The following SLC25A23 variants were observed in gnomAD, a reference collection of about 807,000 sequenced individuals.
SLC25A23 encodes mitochondrial adenyl nucleotide antiporter SLC25A23.
In SLC25A23, 32 loss-of-function variants were observed where a neutral mutation model predicts 53.9. The observed-to-expected ratio is 0.59, with a 90% CI of 0.45 to 0.80. The LOEUF (loss-of-function observed/expected upper bound fraction) is 0.80. Among genes scored for constraint, SLC25A23 ranks in the 30% least tolerant of loss-of-function variants. The pLI is 0.00. For missense variants in SLC25A23, 575 were observed against 651.4 expected (o/e 0.88, Z 1.28); for synonymous variants, 275 against 264.5 (o/e 1.04, Z -0.38).
rs202184533 is a variant in SLC25A23 at position 6,454,627 on chromosome 19, C to T, written c.574G>A (p.Gly192Ser). 147 of 1,613,870 alleles carry T rather than the reference C, an allele frequency of 9.1e-5. No homozygotes were observed. Among genetic ancestry groups the T allele is most frequent in the Non-Finnish European group, 1.1e-4 (134 of 1,180,028 alleles). ...CGTGACACGGCACCTGCCACTGCGCCGGCCACCAGCTGTTTCCACCACATG... is the reference window on the plus strand; with the variant it reads ...CGTGACACGGCACCTGCCACTGCGCTGGCCACCAGCTGTTTCCACCACATG... The part of the protein sequence containing the change: ...TGMWWKQLVA[G>S]AVAGAVSRTG... Residue 192 changes from glycine to serine, a missense_variant, in exon 5 of 10, where the codon GGC becomes AGC. By Grantham distance (56) the Gly-to-Ser change is moderately conservative. Coordinates refer to ENST00000301454, the MANE Select transcript of SLC25A23 (RefSeq NM_024103.3). This position sits in a 1 kb window ranked among gnomAD's most constrained non-coding sequence, Gnocchi z 4.3.
rs916249013 is a variant in SLC25A23, at chr19:6,447,387, C to T, written c.1072-3086G>A. Reference sequence around the variant, plus strand: ...TGAAATCTCGGCTCACTGCAACCTCCGCCTCCTGGGCTCAGGTGATCCTCC... The same window carrying T: ...TGAAATCTCGGCTCACTGCAACCTCTGCCTCCTGGGCTCAGGTGATCCTCC... On this transcript the variant is annotated intron_variant, in intron 8 of 9. Transcript: ENST00000301454. 3.7e-4 allele frequency among the ~76,000 whole-genome samples: 56 copies of T among 151,974 alleles called. 1 individual carries two copies. Among genetic ancestry groups the T allele is most frequent in the East Asian group, 3.9e-4 (2 of 5,176 alleles).
At chr19:6,444,371 G>A (rs1035449205) in intron 8 of SLC25A23, 70 bp from the exon 9 acceptor site, 4 of 1,484,050 alleles carry the variant, frequency 2.7e-6, no homozygotes, top group Non-Finnish European at 3.6e-6. Context: ...AAGGCCTGCT[G>A]GCCGGTTCTG....
chr19:6,439,434 C>CAG (rs1555732581), downstream of SLC25A23, among the ~76,000 whole-genome samples: 1 of 151,232 alleles, frequency 6.6e-6, no homozygotes, highest in Non-Finnish European at 1.5e-5. Flanking sequence ...CACACACACA[C>CAG]AGACACACAA....
In SLC25A23 at chr19:6,444,163, T is replaced by TGCGGGTCCGGACCAGGGCCA; in HGVS notation, c.1190_1209dup (p.Met404TrpfsTer47). The TGCGGGTCCGGACCAGGGCCA allele has an allele frequency of 6.3e-7, 1 of 1,586,184 alleles. No individual in the cohort carries two copies. Among genetic ancestry groups the TGCGGGTCCGGACCAGGGCCA allele is most frequent in the Non-Finnish European group, 8.6e-7 (1 of 1,164,416 alleles). On this transcript the variant is annotated frameshift_variant, in exon 9 of 10. Coordinates refer to ENST00000301454, the MANE Select transcript of SLC25A23 (RefSeq NM_024103.3). LOFTEE classifies it high-confidence loss of function. ...GCCCAGGCCTCACCTTGTGCCTGCATGCGGGTCCGGACCAGGGCCAGCGGG... is the reference window on the plus strand; with the variant it reads ...GCCCAGGCCTCACCTTGTGCCTGCATGCGGGTCCGGACCAGGGCCAGCGGGTCCGGACCAGGGCCAGCGGG...
chr19:6,441,866 G>A lies in SLC25A23; in HGVS notation c.*109C>T. ...CATAGGAGTCTAGGATCCAGGATCT[G>A]GGTACTGGGATCTCGTGGCCAAAGA... On this transcript the variant is annotated 3_prime_UTR_variant, in exon 10 of 10. Coordinates refer to ENST00000301454, the MANE Select transcript of SLC25A23 (RefSeq NM_024103.3). The A allele has an allele frequency of 9.9e-7, 1 of 1,014,684 alleles. No homozygotes were observed. The allele number at this position is 1,014,684 out of a possible 1,614,324, so 62.9% of individuals were successfully genotyped here.
chr19:6,452,551 G>A (rs2092608264), intron 7 of SLC25A23, 72 bp from the exon 8 acceptor site: 11 of 1,509,584 alleles, frequency 7.3e-6, no homozygotes, highest in Admixed American at 4.5e-5. Flanking sequence ...AAGACACCTA[G>A]AAATAGCTAC....
rs192341507 is a variant in SLC25A23 at position 6,458,192 on chromosome 19, C to T, written c.283+6G>A. The T allele has an allele frequency of 6.2e-7, 1 of 1,613,124 alleles. No homozygotes were observed. Among genetic ancestry groups the T allele is most frequent in the Non-Finnish European group, 8.5e-7 (1 of 1,179,894 alleles). On this transcript the variant is annotated splice_donor_region_variant and intron_variant, in intron 2 of 9. Coordinates refer to ENST00000301454, the MANE Select transcript of SLC25A23 (RefSeq NM_024103.3). Reference sequence around the variant, plus strand: ...TGGGGCCTGCAGGCAGGTCGCCCGACCTTACCATCCTGGTTCCGGTCAAGA... The same window carrying T: ...TGGGGCCTGCAGGCAGGTCGCCCGATCTTACCATCCTGGTTCCGGTCAAGA...
chr19:6,457,600 G>C lies in SLC25A23; in HGVS notation c.284-10C>G. 1.2e-6 allele frequency: 2 copies of C among 1,613,426 alleles called. No individual in the cohort carries two copies. Among genetic ancestry groups the C allele is most frequent in the Non-Finnish European group, 1.7e-6 (2 of 1,179,604 alleles). On this transcript the variant is annotated splice_polypyrimidine_tract_variant and intron_variant, in intron 2 of 9. Transcript: ENST00000301454. ...GAGACATCAATGTGACCTGGGGAGG[G>C]GGCCGGAGGTGGGGAAGGATGTGCG...
At chr19:6,452,648 GA>G (rs2092609645) in intron 7 of SLC25A23, 169 bp from the exon 8 acceptor site, 2 of 723,998 alleles carry the variant, frequency 2.8e-6, no homozygotes, top group Non-Finnish European at 4.2e-6. Flanking sequence ...CCTATACCTA[GA>G]AATAGTTACA....
In SLC25A23 at chr19:6,457,519, C is replaced by T. The variant is rs768115579; in HGVS notation, c.355G>A (p.Glu119Lys). 1 of 1,614,074 alleles carries T rather than the reference C, an allele frequency of 6.2e-7. No individual in the cohort carries two copies. Residue 119 changes from glutamate to lysine, a missense_variant, in exon 3 of 10, where the codon GAG becomes AAG. Coordinates refer to ENST00000301454, the MANE Select transcript of SLC25A23 (RefSeq NM_024103.3). ...LGISISLEQA[E>K]KILHSMDRDG... ...GCGACTCACCTGTGCAAAATTTTCTCAGCCTGCTCCAGCGAGATGGAAATG... is the reference window on the plus strand; with the variant it reads ...GCGACTCACCTGTGCAAAATTTTCTTAGCCTGCTCCAGCGAGATGGAAATG...
Position 6,454,113 on chromosome 19 carries a change from G to C in SLC25A23, c.796-25C>G. On this transcript the variant is annotated intron_variant, in intron 6 of 9. Transcript: ENST00000301454. This position sits in a 1 kb window ranked among gnomAD's most constrained non-coding sequence, Gnocchi z 4.3. ...TCTGAGGCGGGGAGACACAGGGATG[G>C]GTAGGACCATGGGGGTTGAACCTTC... 1 of 1,601,696 alleles carries C rather than the reference G, an allele frequency of 6.2e-7. No homozygotes were observed. Among genetic ancestry groups the C allele is most frequent in the Non-Finnish European group, 8.5e-7 (1 of 1,172,758 alleles).
chr19:6,442,117 A>G lies in SLC25A23; in HGVS notation c.1265T>C (p.Leu422Pro). The G allele has an allele frequency of 6.3e-7, 1 of 1,578,070 alleles. No homozygotes were observed. Among genetic ancestry groups the G allele is most frequent in the Non-Finnish European group, 8.6e-7 (1 of 1,161,820 alleles). The change falls in exon 10 of 10, where the codon CTA (leucine) becomes CCA (proline). Residue 422 changes from leucine (L) to proline (P), a missense_variant. By Grantham distance (98) the Leu-to-Pro change is moderately conservative. Coordinates refer to ENST00000301454, the MANE Select transcript of SLC25A23 (RefSeq NM_024103.3). ...GCCCTCCTGGGACAGGATGTGACGT[A>G]GCAGACCCAGCATGGACAGCTGGGG... ...GGPQLSMLGL[L>P]RHILSQEGMR...
rs1447451051 is a variant in SLC25A23 at position 6,459,569 on chromosome 19, C to T, written c.60G>A (p.Glu20=). The T allele has an allele frequency of 6.3e-7, 1 of 1,577,948 alleles. No homozygotes were observed. The highest frequency in any genetic ancestry group is 8.6e-7 in the Non-Finnish European group (1 of 1,168,354). Reference sequence around the variant, plus strand: ...CGCGGCCATCCTTGTTACTGTCCAGCTCCTCGAACAGGCGACCCCAGCGCT... The same window carrying T: ...CGCGGCCATCCTTGTTACTGTCCAGTTCCTCGAACAGGCGACCCCAGCGCT... ...RRQRWGRLFE[E]LDSNKDGRVD... The change falls in exon 1 of 10, where the codon GAG becomes GAA. Residue 20 remains glutamate (E), a synonymous_variant. Coordinates refer to ENST00000301454, the MANE Select transcript of SLC25A23 (RefSeq NM_024103.3). The surrounding 1 kb of genome is among the most constrained non-coding windows in gnomAD (Gnocchi z 4.6).
chr19:6,458,287 C>G lies in SLC25A23; in HGVS notation c.194G>C (p.Gly65Ala). ...GCGGGAAAATTCCTCCAGGTCGAGC[C>G]CGCCATCTGGGTCAGCATCACCCTC... ...SSEGDADPDGGLDLEEFSRYL... is the reference protein window; with the variant it reads ...SSEGDADPDGALDLEEFSRYL... The change falls in exon 2 of 10, where the codon GGG (glycine) becomes GCG (alanine). Residue 65 changes from glycine (G) to alanine (A), a missense_variant. Physicochemically the swap from Gly to Ala is moderately conservative, Grantham distance 60. Coordinates refer to ENST00000301454, the MANE Select transcript of SLC25A23 (RefSeq NM_024103.3). 1 of 1,613,316 alleles carries G rather than the reference C, an allele frequency of 6.2e-7. No homozygotes were observed. The highest frequency in any genetic ancestry group is 8.5e-7 in the Non-Finnish European group (1 of 1,179,958).
intron 4 of SLC25A23, 136 bp downstream of exon 4, chr19:6,456,284 T>C: frequency 1.0e-6 from 1 of 964,940 alleles, no homozygotes; most frequent in Non-Finnish European, 1.5e-6. Flanking sequence ...CAGACCCTCA[T>C]CCGTCAGCTG....
In SLC25A23 at chr19:6,454,862, T is replaced by C. The variant is rs566402961; in HGVS notation, c.484-145A>G. The C allele has an allele frequency of 8.6e-6, 8 of 924,894 alleles. No homozygotes were observed. The South Asian group carries it at 1.4e-4, about 16-fold the overall frequency. 57.3% of individuals were successfully genotyped at this position (924,894 alleles called of 1,614,324 possible). A position where few individuals can be genotyped will look rare whatever the true frequency, so the allele number is the denominator to read the frequency against. On this transcript the variant is annotated intron_variant, in intron 4 of 9. Transcript: ENST00000301454. This position sits in a 1 kb window ranked among gnomAD's most constrained non-coding sequence, Gnocchi z 4.3. ...TTGCTTGGAGACCCCAGAAGAGTCC[T>C]GTTGGGTCCTACCAGGTGTCACCAA...
At chr19:6,439,627 G>C (rs1034788172), downstream of SLC25A23, among the ~76,000 whole-genome samples, 1 of 151,736 alleles carries the variant, frequency 6.6e-6, no homozygotes, top group Non-Finnish European at 1.5e-5. Flanking sequence ...TCAGGAGTTC[G>C]AGACCAGCCT....
Position 6,458,242 on chromosome 19 carries a change from T to G in SLC25A23, c.239A>C (p.Gln80Pro). 1 of 1,613,708 alleles carries G rather than the reference T, an allele frequency of 6.2e-7. No individual in the cohort carries two copies. The highest frequency in any genetic ancestry group is 8.5e-7 in the Non-Finnish European group (1 of 1,179,964). ...EFSRYLQERE[Q>P]RLLLMFHSLD... The stretch of plus-strand genomic sequence containing the variant: ...ACTGTGAAACATGAGCAGCAGACGC[T>G]GTTCCCGCTCCTGCAGATAGCGGGA... Residue 80 changes from glutamine (Q) to proline (P), a missense_variant, in exon 2 of 10, where the codon CAG becomes CCG. By Grantham distance (76) the Gln-to-Pro change is moderately conservative (BLOSUM62 -1). Transcript: ENST00000301454.
intron 8 of SLC25A23, among the ~76,000 whole-genome samples, chr19:6,449,340 C>T (rs185659884): frequency 2.5e-4 from 38 of 150,884 alleles, no homozygotes; most frequent in African/African-American, 6.6e-4. Context: ...GAAACCTCTG[C>T]GTACTGGGCT....
Sources: gnomAD v4.1 joint callset for allele counts (sites outside exome capture counted in the v4.1 genomes callset) on GRCh38, gnomAD v4.1.1 for gene constraint, Gnocchi (gnomAD v3.1) non-coding constraint, MANE v1.5 for transcripts, NCBI Gene and HGNC (gene_info 2026-07-23, HGNC 2026-07-21) for gene names.